Variants in CPA6 observed in about 807,000 individuals in gnomAD.
CPA6 encodes carboxypeptidase B.
Under a neutral mutation model 63.3 loss-of-function variants are expected in CPA6, and 58 were observed. The ratio of observed to expected loss-of-function variants is 0.92; its 90% CI spans 0.74 to 1.14. The LOEUF is 1.14. Ranked by LOEUF, CPA6 falls within the 50% of genes most tolerant of loss-of-function variation. CPA6 has a pLI of 0.00. For synonymous variants in CPA6, 185 were observed against 179.0 expected, an observed-to-expected ratio of 1.03 and a Z score of -0.27; for missense variants, 565 against 526.6, an observed-to-expected ratio of 1.07 and a Z score of -0.71.
At chr8:67,569,384 C>T in intron 2 of CPA6, 1 of 191,576 alleles carries the variant, frequency 5.2e-6, no homozygotes, top group South Asian at 9.9e-5. Context: ...TTACTTTCTG[C>T]CACCATCTCG....
intron 3 of CPA6, among the ~76,000 whole-genome samples, chr8:67,515,853 T>A (rs912905769): frequency 2.6e-5 from 4 of 152,180 alleles, no homozygotes; most frequent in Non-Finnish European, 1.5e-5. Flanking sequence ...ACTCTGAGCA[T>A]CCAACTACTC....
At chr8:67,735,030 T>C (rs1397847567) in intron 1 of CPA6, among the ~76,000 whole-genome samples, 1 of 152,226 alleles carries the variant, frequency 6.6e-6, no homozygotes, top group East Asian at 1.9e-4. Flanking sequence ...AGAACTTTCA[T>C]CTTTTATCAG....
chr8:67,492,064 A>C (rs1811618072), intron 6 of CPA6, among the ~76,000 whole-genome samples: 1 of 152,218 alleles, frequency 6.6e-6, no homozygotes, highest in Non-Finnish European at 1.5e-5. Context: ...CTAAGGTGAA[A>C]GTGTGGCAAA....
intron 6 of CPA6, among the ~76,000 whole-genome samples, chr8:67,493,962 C>T (rs180676071): frequency 5.8e-4 from 88 of 152,222 alleles, no homozygotes; most frequent in Non-Finnish European, 1.0e-3. Flanking sequence ...AAATAGAATT[C>T]AACTGCTGAT....
chr8:67,632,766 A>G (rs1328399081), intron 1 of CPA6, among the ~76,000 whole-genome samples: 1 of 152,192 alleles, frequency 6.6e-6, no homozygotes, highest in East Asian at 1.9e-4. Context: ...TATTTTTGTT[A>G]CTGTTTTATT....
chr8:67,645,297 C>G (rs1815690423), intron 1 of CPA6, among the ~76,000 whole-genome samples: 1 of 152,140 alleles, frequency 6.6e-6, no homozygotes, highest in South Asian at 2.1e-4. Context: ...TATCTAACAA[C>G]CTCACTTTTT....
At chr8:67,665,490 T>A (rs1163593946) in intron 1 of CPA6, among the ~76,000 whole-genome samples, 1 of 152,226 alleles carries the variant, frequency 6.6e-6, no homozygotes, top group Non-Finnish European at 1.5e-5. Flanking sequence ...TGAAACACTC[T>A]GTTGGGGCAT....
chr8:67,435,740 G>C (rs944829898), intron 8 of CPA6, among the ~76,000 whole-genome samples: 1 of 152,082 alleles, frequency 6.6e-6, no homozygotes, highest in East Asian at 1.9e-4. Flanking sequence ...GTGCCAGAGA[G>C]GGGACCTCCC....
intron 2 of CPA6, among the ~76,000 whole-genome samples, chr8:67,543,788 A>G (rs1231950007): frequency 6.6e-6 from 1 of 150,604 alleles, no homozygotes; most frequent in Non-Finnish European, 1.5e-5. Context: ...TATTATTATT[A>G]TTATTATTTT....
intron 9 of CPA6, among the ~76,000 whole-genome samples, chr8:67,431,274 C>G (rs750009266): frequency 2.6e-5 from 4 of 151,984 alleles, no homozygotes; most frequent in Admixed American, 1.3e-4. Flanking sequence ...GAGTCTCACT[C>G]TGTTGCCCAG....
At chr8:67,670,904 A>G (rs751948528) in intron 1 of CPA6, among the ~76,000 whole-genome samples, 2 of 152,218 alleles carry the variant, frequency 1.3e-5, no homozygotes, top group Non-Finnish European at 2.9e-5. Flanking sequence ...CAATTTTAGT[A>G]TATACATTTC....
intron 2 of CPA6, among the ~76,000 whole-genome samples, chr8:67,593,329 TGTG>T (rs1428027930): frequency 1.3e-5 from 2 of 151,492 alleles, no homozygotes; most frequent in African/African-American, 4.9e-5. Context: ...TTGGAATAGG[TGTG>T]GTGTGGTGCT....
chr8:67,715,445 A>T (rs1412643836), intron 1 of CPA6, among the ~76,000 whole-genome samples: 1 of 152,234 alleles, frequency 6.6e-6, no homozygotes, highest in Non-Finnish European at 1.5e-5. Flanking sequence ...GAAGATTGGC[A>T]GTTTTTTAAC....
chr8:67,561,124 C>T (rs1361341641), intron 2 of CPA6, among the ~76,000 whole-genome samples: 4 of 152,024 alleles, frequency 2.6e-5, no homozygotes, highest in Admixed American at 2.6e-4. Context: ...TACCATACCC[C>T]CCAAATTTAT....
At chr8:67,713,587 C>T (rs1308569021) in intron 1 of CPA6, among the ~76,000 whole-genome samples, 1 of 152,184 alleles carries the variant, frequency 6.6e-6, no homozygotes, top group Non-Finnish European at 1.5e-5. Context: ...GGAATACACA[C>T]ATTTTGTGTA....
chr8:67,506,685 T>A, intron 6 of CPA6, 102 bp downstream of exon 6: 2 of 735,064 alleles, frequency 2.7e-6, no homozygotes, highest in South Asian at 3.1e-5. Context: ...TGTTATTCAA[T>A]CAGGTATCAT....
chr8:67,578,306 A>G (rs186728407), intron 2 of CPA6, among the ~76,000 whole-genome samples: 2 of 152,376 alleles, frequency 1.3e-5, no homozygotes, highest in Admixed American at 1.3e-4. Context: ...GCTGTATATC[A>G]GCTGTTTGGT....
At chr8:67,430,171 GTATA>G (rs1186366549) in intron 9 of CPA6, among the ~76,000 whole-genome samples, 3 of 104,882 alleles carry the variant, frequency 2.9e-5, no homozygotes, top group African/African-American at 1.2e-4. Flanking sequence ...GTGTGTGTGT[GTATA>G]TATTTTGTTT....
intron 1 of CPA6, among the ~76,000 whole-genome samples, chr8:67,667,453 G>T (rs1018184387): frequency 2.0e-5 from 3 of 151,988 alleles, no homozygotes; most frequent in Admixed American, 1.3e-4. Context: ...CTACAGGAAA[G>T]ACCCCCATGC....
Sources: allele counts gnomAD v4.1 joint callset (sites outside exome capture counted in the v4.1 genomes callset), GRCh38; gene constraint gnomAD v4.1.1; transcripts MANE v1.5; gene names NCBI Gene and HGNC (gene_info 2026-07-23, HGNC 2026-07-21).